Variants in NTM observed in about 807,000 individuals in gnomAD.
NTM encodes neurotrimin.
In NTM, 13 loss-of-function variants were observed where a neutral mutation model predicts 42.1. The ratio of observed to expected loss-of-function variants is 0.31; its 90% CI spans 0.20 to 0.49. The LOEUF is 0.49. NTM is among the 20% of genes least tolerant of loss of function. The pLI, the probability that NTM is intolerant of heterozygous loss-of-function variation, is 0.99. For synonymous variants in NTM, 187 were observed against 179.2 expected (o/e 1.04, Z -0.35); for missense variants, 373 against 452.8 (o/e 0.82, Z 1.60).
At chr11:131,561,796 T>G (rs1456322442) in intron 1 of NTM, among the ~76,000 whole-genome samples, 1 of 152,178 alleles carries the variant, frequency 6.6e-6, no homozygotes, top group Non-Finnish European at 1.5e-5. Context: ...ATCATCATCC[T>G]TCTTCTTCAC....
At chr11:132,068,426 A>G (rs375596183) in intron 2 of NTM, among the ~76,000 whole-genome samples, 2 of 151,986 alleles carry the variant, frequency 1.3e-5, no homozygotes, top group Admixed American at 6.5e-5. Flanking sequence ...CTGCTTCTGT[A>G]TAACAAAAAT....
chr11:131,982,217 C>T (rs1376290965), intron 2 of NTM, among the ~76,000 whole-genome samples: 1 of 152,056 alleles, frequency 6.6e-6, no homozygotes, highest in Non-Finnish European at 1.5e-5. Flanking sequence ...ACACTGTTCT[C>T]ATGGGAAGGG....
At chr11:132,103,125 T>A (rs542249576) in intron 2 of NTM, among the ~76,000 whole-genome samples, 179 of 152,352 alleles carry the variant, frequency 1.2e-3, no homozygotes, top group African/African-American at 3.9e-3. Context: ...GGCAGATGTT[T>A]CTGGAGGTGA....
rs79924074 is a variant in NTM, at chr11:132,187,940, G to A, written c.401-24082G>A. ...CTGTCCCTCTGACTAACATGTCTAC[G>A]TGGAGACTTCCAAAATGGAAAATGA... On this transcript the variant is annotated intron_variant, in intron 3 of 8. Transcript: ENST00000683400. Among the ~76,000 whole-genome samples, 1,201 of 152,274 alleles carry A rather than the reference G, an allele frequency of 7.9e-3. 10 individuals carry two copies. The highest frequency in any genetic ancestry group is 0.027 in the African/African-American group (1,106 of 41,540).
intron 1 of NTM, among the ~76,000 whole-genome samples, chr11:131,561,517 C>T (rs918116917): frequency 2.7e-4 from 41 of 152,300 alleles, no homozygotes; most frequent in Admixed American, 2.5e-3. Flanking sequence ...TCTTGAGACA[C>T]TCATTGTGGC....
At chr11:131,660,188 G>A (rs999566474) in intron 1 of NTM, 9 of 255,462 alleles carry the variant, frequency 3.5e-5, no homozygotes, top group South Asian at 4.9e-5. Flanking sequence ...CGTAGGACTC[G>A]GGTGGGCCAG....
intron 1 of NTM, among the ~76,000 whole-genome samples, chr11:131,546,931 C>G (rs1422632307): frequency 6.6e-6 from 1 of 152,172 alleles, no homozygotes; most frequent in African/African-American, 2.4e-5. Flanking sequence ...CTGTCTTTTC[C>G]TTGTCCCTAA....
rs79840774 is a variant in NTM at position 131,988,060 on chromosome 11, C to T, written c.167+76412C>T. On this transcript the variant is annotated intron_variant, in intron 2 of 8. Coordinates refer to ENST00000683400, the MANE Select transcript of NTM (RefSeq NM_001352005.2). ...GGAAGTCCAATATCAAGGCACCATC[C>T]GATTTGGTGTCTGTTGAGAGTCCAT... Among the ~76,000 whole-genome samples the T allele has an allele frequency of 5.3e-5, 8 of 152,272 alleles. No individual in the cohort carries two copies. The South Asian group carries it at 8.3e-4, about 16-fold the overall frequency.
At chr11:131,584,405 G>C (rs2058677961) in intron 1 of NTM, among the ~76,000 whole-genome samples, 1 of 152,176 alleles carries the variant, frequency 6.6e-6, no homozygotes, top group Admixed American at 6.5e-5. Context: ...CTCCTTCTTG[G>C]TGGAGGCAGG....
At chr11:131,799,113 G>A (rs767503041) in intron 1 of NTM, among the ~76,000 whole-genome samples, 8 of 152,086 alleles carry the variant, frequency 5.3e-5, no homozygotes, top group Non-Finnish European at 1.2e-4. Context: ...TTTAGTAAAC[G>A]ACTTCATTGT....
At chr11:131,661,325 T>C in intron 1 of NTM, 1 of 199,288 alleles carries the variant, frequency 5.0e-6, no homozygotes, top group Non-Finnish European at 1.1e-5. Flanking sequence ...GAGTAGGGCC[T>C]AGAAGAAGTA....
At chr11:131,823,280 C>T (rs1177462017) in intron 1 of NTM, among the ~76,000 whole-genome samples, 1 of 152,208 alleles carries the variant, frequency 6.6e-6, no homozygotes, top group Non-Finnish European at 1.5e-5. Context: ...GCAGAAGCCA[C>T]ACATGTCCTC....
chr11:131,705,361 A>G (rs2076490868), intron 1 of NTM, among the ~76,000 whole-genome samples: 1 of 152,144 alleles, frequency 6.6e-6, no homozygotes, highest in Admixed American at 6.5e-5. Context: ...TCAAGCAAGA[A>G]TACTTCACTC....
At chr11:131,895,236 G>T (rs2052076837) in intron 1 of NTM, among the ~76,000 whole-genome samples, 1 of 152,162 alleles carries the variant, frequency 6.6e-6, no homozygotes, top group South Asian at 2.1e-4. Context: ...TCTGGCAGCA[G>T]AAATGTAGGT....
At chr11:131,669,041 C>T (rs1029206352) in intron 1 of NTM, among the ~76,000 whole-genome samples, 3 of 152,200 alleles carry the variant, frequency 2.0e-5, no homozygotes, top group Admixed American at 6.5e-5. Context: ...CCACGCCCCT[C>T]TGGGTTTTGT....
chr11:132,202,451 C>T (rs2081304326), intron 3 of NTM, among the ~76,000 whole-genome samples: 1 of 152,156 alleles, frequency 6.6e-6, no homozygotes, highest in South Asian at 2.1e-4. Flanking sequence ...CCAAAGCATG[C>T]ACTGCCATAC....
chr11:132,229,940 G>A (rs1346368135), intron 4 of NTM, among the ~76,000 whole-genome samples: 1 of 152,180 alleles, frequency 6.6e-6, no homozygotes, highest in African/African-American at 2.4e-5. Flanking sequence ...TGCCATATAG[G>A]CAAGAGAGCA....
intron 2 of NTM, among the ~76,000 whole-genome samples, chr11:132,067,160 T>G (rs2056633367): frequency 6.6e-6 from 1 of 152,218 alleles, no homozygotes; most frequent in Non-Finnish European, 1.5e-5. Flanking sequence ...TTCACCATGT[T>G]GCTCATGCTG....
chr11:131,549,243 T>A (rs977921216), intron 1 of NTM, among the ~76,000 whole-genome samples: 2 of 152,100 alleles, frequency 1.3e-5, no homozygotes, highest in East Asian at 1.9e-4. Context: ...GAGGCCACTA[T>A]TGGGAAGGGA....
Sources: gnomAD v4.1 joint callset for allele counts (sites outside exome capture counted in the v4.1 genomes callset) on GRCh38, gnomAD v4.1.1 for gene constraint, MANE v1.5 for transcripts, NCBI Gene and HGNC (gene_info 2026-07-23, HGNC 2026-07-21) for gene names.